The following ABCA10 variants were observed in gnomAD, a reference collection of about 807,000 sequenced individuals.
ABCA10 encodes the protein ATP-binding cassette sub-family A member 10.
Under a neutral mutation model 187.5 loss-of-function variants are expected in ABCA10, and 169 were observed. The ratio of observed to expected loss-of-function variants is 0.90; its 90% CI spans 0.80 to 1.02. The LOEUF (loss-of-function observed/expected upper bound fraction) is 1.02. Ranked by LOEUF, ABCA10 falls within the 50% of genes least tolerant of loss-of-function variation. The pLI is 0.00. For synonymous variants in ABCA10, 574 were observed against 601.8 expected, an observed-to-expected ratio of 0.95 and a Z score of 0.68; for missense variants, 1,727 against 1,812.4, an observed-to-expected ratio of 0.95 and a Z score of 0.86.
intron 9 of ABCA10, 65 bp from the exon 10 acceptor site, chr17:69,201,733 G>T (rs1598112371): frequency 7.9e-7 from 1 of 1,261,944 alleles, no homozygotes; most frequent in Non-Finnish European, 1.1e-6. Context: ...AGGGACATCT[G>T]TCCTTTACTT....
Position 69,170,999 on chromosome 17 carries a change from G to A in ABCA10, c.3162+3282C>T, listed in dbSNP as rs185083377. On this transcript the variant is annotated intron_variant, in intron 25 of 38. Coordinates refer to ENST00000690296, the MANE Select transcript of ABCA10 (RefSeq NM_001377321.1). Reference sequence around the variant, plus strand: ...ATATTGAGGCATGATACTCTAAGTTGGCTTGTACAATCGTAGATGGATTCT... The same window carrying A: ...ATATTGAGGCATGATACTCTAAGTTAGCTTGTACAATCGTAGATGGATTCT... 7.2e-5 allele frequency among the ~76,000 whole-genome samples: 11 copies of A among 152,262 alleles called. No homozygotes were observed. The East Asian group carries it at 2.1e-3, about 29-fold the overall frequency.
chr17:69,194,254 AAATC>A, intron 12 of ABCA10, 127 bp downstream of exon 12: 2 of 794,376 alleles, frequency 2.5e-6, no homozygotes, highest in Non-Finnish European at 4.1e-6. Flanking sequence ...TGTGCATATG[AAATC>A]AATATTTCCT....
rs751195093 is a variant in ABCA10, at chr17:69,155,040, C to T, written c.3673G>A (p.Val1225Ile). 3.1e-6 allele frequency: 5 copies of T among 1,600,720 alleles called. No homozygotes were observed. In the South Asian group the frequency reaches 4.4e-5, roughly 14 times the overall value. Residue 1225 changes from valine (V) to isoleucine (I), a missense_variant, in exon 30 of 39, where the codon GTT becomes ATT. Coordinates refer to ENST00000690296, the MANE Select transcript of ABCA10 (RefSeq NM_001377321.1). Reference sequence around the variant, plus strand: ...AAACCTTTTTTAACACAAAAGGAAACATTTCTGATGGCTATTTTCTTCTTT... The same window carrying T: ...AAACCTTTTTTAACACAAAAGGAAATATTTCTGATGGCTATTTTCTTCTTT... ...TRKKKIAIRN[V>I]SFCVKKGEVL...
At chr17:69,227,113 G>GTATATATATATATA (rs2074799969) in intron 2 of ABCA10, 32 bp downstream of exon 2, 2 of 75,310 alleles carry the variant, frequency 2.7e-5, no homozygotes, top group Non-Finnish European at 7.1e-5. Context: ...TATTAATTAT[G>GTATATATATATATA]GATATATATA....
At chr17:69,187,378 C>T (rs190711323) in intron 19 of ABCA10, among the ~76,000 whole-genome samples, 134 of 152,220 alleles carry the variant, frequency 8.8e-4, no homozygotes, top group African/African-American at 3.0e-3. Context: ...GGACCCACCC[C>T]CTAAACCTTT....
At chr17:69,190,760 T>A (rs1380681351) in intron 17 of ABCA10, among the ~76,000 whole-genome samples, 1 of 151,894 alleles carries the variant, frequency 6.6e-6, no homozygotes, top group Non-Finnish European at 1.5e-5. Context: ...TAAAAATTTA[T>A]TAAGTTATAC....
At chr17:69,211,351 A>ATATATATGTG (rs1568070410) in intron 9 of ABCA10, among the ~76,000 whole-genome samples, 5 of 19,552 alleles carry the variant, frequency 2.6e-4, no homozygotes, top group South Asian at 1.4e-3. Context: ...ATATATATAT[A>ATATATATGTG]TATATATATA....
chr17:69,215,396 T>C (rs948473820), intron 8 of ABCA10: 1 of 162,274 alleles, frequency 6.2e-6, no homozygotes, highest in Non-Finnish European at 1.3e-5. Flanking sequence ...TGAGGTGGGT[T>C]CTACTGACAT....
intron 22 of ABCA10, chr17:69,178,924 C>A (rs1272737407): frequency 6.6e-6 from 1 of 152,024 alleles, no homozygotes; most frequent in East Asian, 1.9e-4. Context: ...ACTCACCTTC[C>A]CTGGATCCAC....
intron 27 of ABCA10, among the ~76,000 whole-genome samples, chr17:69,160,342 C>T (rs2074206296): frequency 6.6e-6 from 1 of 152,194 alleles, no homozygotes; most frequent in Admixed American, 6.5e-5. Context: ...GGCACGGTGG[C>T]TCACGCCTGC....
rs544066880 is a variant in ABCA10, at chr17:69,162,852, T to C, written c.3363+1222A>G. ...ATATACATATACATATATATATATA[T>C]ATATGAGACGGAGTCTCTCTCTGTT... is the stretch of plus-strand genomic sequence containing the variant. On this transcript the variant is annotated intron_variant, in intron 27 of 38. Transcript: ENST00000690296. 3.3e-5 allele frequency among the ~76,000 whole-genome samples: 5 copies of C among 150,572 alleles called. No homozygotes were observed. In the East Asian group the frequency reaches 5.8e-4, roughly 18 times the overall value.
chr17:69,213,030 G>T (rs758812748), intron 9 of ABCA10, among the ~76,000 whole-genome samples: 4 of 152,202 alleles, frequency 2.6e-5, no homozygotes, highest in Non-Finnish European at 5.9e-5. Flanking sequence ...CAGTGAAGTT[G>T]CCACGTGGAC....
At position 69,215,906 on chromosome 17, in the gene ABCA10, C is replaced by A; in HGVS notation, c.767G>T (p.Gly256Val). 1 of 1,613,786 alleles carries A rather than the reference C, an allele frequency of 6.2e-7. No individual in the cohort carries two copies. The highest frequency in any genetic ancestry group is 8.5e-7 in the Non-Finnish European group (1 of 1,179,776). ...AAGTTGTCTATATAACACAGTGAATCCCAGACATCCCCAAAATACAGTGAA... is the reference window on the plus strand; with the variant it reads ...AAGTTGTCTATATAACACAGTGAATACCAGACATCCCCAAAATACAGTGAA... ...FLFTVFWGCL[G>V]FTVLYRQLPL... The change falls in exon 8 of 39, where the codon GGA becomes GTA. Residue 256 changes from glycine (G) to valine (V), a missense_variant. Transcript: ENST00000690296.
intron 18 of ABCA10, among the ~76,000 whole-genome samples, chr17:69,189,310 G>A (rs1426273183): frequency 6.6e-6 from 1 of 152,090 alleles, no homozygotes; most frequent in Non-Finnish European, 1.5e-5. Context: ...TATGCTTGTT[G>A]ATTGCATGTA....
intron 18 of ABCA10, among the ~76,000 whole-genome samples, chr17:69,189,996 A>G (rs117684141): frequency 0.018 from 2,751 of 152,286 alleles, 144 homozygotes; most frequent in Admixed American, 0.11. Flanking sequence ...TTAGCTAATT[A>G]AGAGCACATT....
At position 69,185,752 on chromosome 17, in the gene ABCA10, G is replaced by A. The variant is rs762000207; in HGVS notation, c.2331-109C>T. 3.4e-4 allele frequency: 276 copies of A among 805,378 alleles called. 2 individuals are homozygous for A. The highest frequency in any genetic ancestry group is 4.1e-4 in the Non-Finnish European group (216 of 530,048). 49.9% of individuals were successfully genotyped at this position (805,378 alleles called of 1,614,324 possible). ...CTATGGAAAGTCCACATGCATATGTGGTGTTTAGTTAGATAAAATGAAACA... is the reference window on the plus strand; with the variant it reads ...CTATGGAAAGTCCACATGCATATGTAGTGTTTAGTTAGATAAAATGAAACA... On this transcript the variant is annotated intron_variant, in intron 19 of 38. Transcript: ENST00000690296.
chr17:69,155,054 A>G lies in ABCA10; in HGVS notation c.3659T>C (p.Ile1220Thr), dbSNP rs2144755127. Residue 1220 changes from isoleucine to threonine, a missense_variant, in exon 30 of 39, where the codon ATA becomes ACA. Transcript: ENST00000690296. ...KSCFSTRKKK[I>T]AIRNVSFCVK... is the part of the protein sequence containing the mutation. ...ACAAAAGGAAACATTTCTGATGGCTATTTTCTTCTTTCTTGTTGAAAAGCA... is the reference window on the plus strand; with the variant it reads ...ACAAAAGGAAACATTTCTGATGGCTGTTTTCTTCTTTCTTGTTGAAAAGCA... 1 of 1,609,094 alleles carries G rather than the reference A, an allele frequency of 6.2e-7. No individual in the cohort carries two copies. Among genetic ancestry groups the G allele is most frequent in the African/African-American group, 1.3e-5 (1 of 74,906 alleles).
chr17:69,152,672 A>T (rs2074139525), intron 34 of ABCA10, among the ~76,000 whole-genome samples, 191 bp from the exon 35 acceptor site: 1 of 152,156 alleles, frequency 6.6e-6, no homozygotes, highest in South Asian at 2.1e-4. Context: ...CTGTGGTCCC[A>T]GCTGCTTGGG....
rs144883689 is a variant in ABCA10 at position 69,204,958 on chromosome 17, G to A, written c.1007-3290C>T. Among the ~76,000 whole-genome samples, 14 of 152,096 alleles carry A rather than the reference G, an allele frequency of 9.2e-5. No homozygotes were observed. In the East Asian group the frequency reaches 1.4e-3, roughly 15 times the overall value. On this transcript the variant is annotated intron_variant, in intron 9 of 38. Coordinates refer to ENST00000690296, the MANE Select transcript of ABCA10 (RefSeq NM_001377321.1). ...AGCCTGGATAACATGGCAAAACCCC[G>A]TATCTACAAAATTACCAAAATTAGC...
Sources: allele counts gnomAD v4.1 joint callset (sites outside exome capture counted in the v4.1 genomes callset), GRCh38; gene constraint gnomAD v4.1.1; transcripts MANE v1.5; gene names NCBI Gene and HGNC (gene_info 2026-07-23, HGNC 2026-07-21).